The following LRCH2 variants were observed in gnomAD, a reference collection of about 807,000 sequenced individuals.
The protein encoded by LRCH2 is leucine rich repeats and calponin homology domain containing 2, also known as leucine-rich repeat and calponin homology domain-containing protein 2.
Under a neutral mutation model 68.9 loss-of-function variants are expected in LRCH2, and 38 were observed. That is an observed-to-expected ratio of 0.55 (90% CI 0.43 to 0.72). LRCH2 has a LOEUF of 0.72. Among genes scored for constraint, LRCH2 ranks in the 30% least tolerant of loss-of-function variants. The pLI is 0.00. For synonymous variants in LRCH2, 191 were observed against 208.1 expected, an observed-to-expected ratio of 0.92 and a Z score of 0.71; for missense variants, 528 against 572.9, an observed-to-expected ratio of 0.92 and a Z score of 0.80.
intron 1 of LRCH2, chrX:115,189,637 G>A (rs1556556238): frequency 4.3e-6 from 5 of 1,168,932 alleles, no homozygotes; most frequent in East Asian, 3.2e-5. Context: ...CAAGGCTGCC[G>A]CCAGAGATAT....
intron 1 of LRCH2, among the ~76,000 whole-genome samples, chrX:115,197,741 GTCTC>G (rs1164876330): frequency 3.2e-4 from 33 of 103,473 alleles, no homozygotes; most frequent in Non-Finnish European, 6.3e-4. Flanking sequence ...AAAAGAAAAA[GTCTC>G]TCTCTCTCTT....
chrX:115,165,525 A>T (rs1342172405), intron 9 of LRCH2, 33 bp downstream of exon 9: 1 of 1,078,243 alleles, frequency 9.3e-7, no homozygotes. Flanking sequence ...TCAAGAGAAC[A>T]TGTTATTAAT....
At chrX:115,149,486 T>C (rs781849124) in intron 14 of LRCH2, among the ~76,000 whole-genome samples, 1 of 112,098 alleles carries the variant, frequency 8.9e-6, no homozygotes, top group South Asian at 3.6e-4. Flanking sequence ...ATTGTAAATA[T>C]GTGTCAAATA....
At chrX:115,233,338 G>C (rs1162307678) in intron 1 of LRCH2, among the ~76,000 whole-genome samples, 2 of 112,014 alleles carry the variant, frequency 1.8e-5, no homozygotes, top group Non-Finnish European at 3.8e-5. Context: ...GTTTAGTTTG[G>C]TTGGGTTTGG....
intron 14 of LRCH2, among the ~76,000 whole-genome samples, chrX:115,133,457 G>A (rs946382230): frequency 9.0e-5 from 10 of 111,693 alleles, no homozygotes; most frequent in African/African-American, 1.3e-4. Flanking sequence ...TTTATTTATC[G>A]GGATACACAA....
chrX:115,199,796 T>A (rs1408938376), intron 1 of LRCH2, among the ~76,000 whole-genome samples: 1 of 112,342 alleles, frequency 8.9e-6, no homozygotes, highest in Non-Finnish European at 1.9e-5. Flanking sequence ...TTACACCAAA[T>A]GGACCTAACA....
chrX:115,113,853 T>C (rs2072060663), intron 20 of LRCH2, among the ~76,000 whole-genome samples: 1 of 111,549 alleles, frequency 9.0e-6, no homozygotes, highest in Admixed American at 9.5e-5. Flanking sequence ...ACAGCAATTG[T>C]GCAGTAGCTT....
At chrX:115,233,624 A>T (rs2073167274) in intron 1 of LRCH2, 69 bp downstream of exon 1, 4 of 1,019,208 alleles carry the variant, frequency 3.9e-6, no homozygotes, top group Non-Finnish European at 5.2e-6. Context: ...CCAACAACGC[A>T]GCCACGCAGC....
intron 1 of LRCH2, among the ~76,000 whole-genome samples, chrX:115,202,891 T>C (rs1431966212): frequency 1.8e-5 from 2 of 111,695 alleles, no homozygotes; most frequent in Non-Finnish European, 3.8e-5. Flanking sequence ...CTAGTAAATA[T>C]CATTCTGGGA....
intron 1 of LRCH2, chrX:115,189,454 G>A: frequency 3.4e-6 from 4 of 1,172,173 alleles, no homozygotes; most frequent in Non-Finnish European, 4.6e-6. Context: ...GATGGAAGCG[G>A]ATCGCCCAGA....
intron 14 of LRCH2, among the ~76,000 whole-genome samples, chrX:115,134,944 T>C (rs1007426801): frequency 2.7e-5 from 3 of 110,682 alleles, no homozygotes; most frequent in Non-Finnish European, 5.7e-5. Flanking sequence ...TTAAGAACAT[T>C]TATAATTCAT....
At chrX:115,197,847 T>TCTCTCTCTCTCACA (rs782358260) in intron 1 of LRCH2, among the ~76,000 whole-genome samples, 472 of 20,560 alleles carry the variant, frequency 0.023, 34 homozygotes, top group Non-Finnish European at 0.027. Flanking sequence ...TCTCTCTCTC[T>TCTCTCTCTCTCACA]CACACACACA....
intron 1 of LRCH2, chrX:115,192,035 G>C (rs782672562): frequency 1.7e-6 from 2 of 1,165,449 alleles, no homozygotes; most frequent in Non-Finnish European, 2.3e-6. Flanking sequence ...GAAGAGTACC[G>C]AGGCCGCTCG....
chrX:115,229,954 C>T (rs1409581041), intron 1 of LRCH2, among the ~76,000 whole-genome samples: 1 of 111,967 alleles, frequency 8.9e-6, no homozygotes, highest in Admixed American at 9.5e-5. Flanking sequence ...AAATCTGTTT[C>T]ACAGACCTAC....
chrX:115,222,752 A>G (rs782359015), intron 1 of LRCH2, among the ~76,000 whole-genome samples: 3 of 112,417 alleles, frequency 2.7e-5, no homozygotes, highest in South Asian at 3.6e-4. Flanking sequence ...CTTAATATTG[A>G]TAAGATGGCA....
rs1416319047 is a variant in LRCH2, at chrX:115,233,773, G to C, written c.269C>G (p.Ser90Cys). The C allele has an allele frequency of 1.1e-5, 13 of 1,175,260 alleles. No homozygotes were observed. In the African/African-American group the frequency reaches 2.3e-4, roughly 21 times the overall value. Residue 90 changes from serine (S) to cysteine (C), a missense_variant, in exon 1 of 21, where the codon TCC (serine) becomes TGC (cysteine). Physicochemically the swap from Ser to Cys is moderately radical, Grantham distance 112. Coordinates refer to ENST00000317135, the MANE Select transcript of LRCH2 (RefSeq NM_020871.4). ...LDRALEEAGS[S>C]GILSLSGRKL... ...CCGACCACTGAGGCTCAGGATGCCGGAGCTGCCCGCCTCTTCCAGGGCCCG... is the reference window on the plus strand; with the variant it reads ...CCGACCACTGAGGCTCAGGATGCCGCAGCTGCCCGCCTCTTCCAGGGCCCG...
At chrX:115,196,783 T>C (rs1382132804) in intron 1 of LRCH2, among the ~76,000 whole-genome samples, 2 of 111,120 alleles carry the variant, frequency 1.8e-5, no homozygotes, top group Non-Finnish European at 3.8e-5. Context: ...CTCAGGAGCT[T>C]GAGAGCCTGC....
At chrX:115,229,093 C>T (rs1556577444) in intron 1 of LRCH2, among the ~76,000 whole-genome samples, 2 of 111,382 alleles carry the variant, frequency 1.8e-5, no homozygotes, top group Non-Finnish European at 3.8e-5. Context: ...ATAAGAGAGG[C>T]ATGATAGCTA....
intron 1 of LRCH2, among the ~76,000 whole-genome samples, chrX:115,216,355 T>C (rs1278638562): frequency 8.9e-6 from 1 of 112,410 alleles, no homozygotes; most frequent in Non-Finnish European, 1.9e-5. Flanking sequence ...TATTCAAGGT[T>C]GCTGGAATGA....
Sources: allele counts gnomAD v4.1 joint callset (sites outside exome capture counted in the v4.1 genomes callset), GRCh38; gene constraint gnomAD v4.1.1; transcripts MANE v1.5; gene names NCBI Gene and HGNC (gene_info 2026-07-23, HGNC 2026-07-21).